PREX1: variants seen among roughly 807,000 people sequenced by gnomAD.
The protein encoded by PREX1 is phosphatidylinositol-3,4,5-trisphosphate dependent Rac exchange factor 1, also known as phosphatidylinositol 3,4,5-trisphosphate-dependent Rac exchanger 1 protein.
Under a neutral mutation model 198.3 loss-of-function variants are expected in PREX1, and 41 were observed. The observed-to-expected ratio is 0.21, with a 90% CI of 0.16 to 0.27. The LOEUF is 0.27. Ranked by LOEUF, PREX1 falls within the 10% of genes least tolerant of loss-of-function variation. PREX1 has a pLI of 1.00. For missense variants in PREX1, 1,620 were observed against 2,200.7 expected, an observed-to-expected ratio of 0.74 and a Z score of 5.28; for synonymous variants, 843 against 887.2, an observed-to-expected ratio of 0.95 and a Z score of 0.89.
intron 1 of PREX1, among the ~76,000 whole-genome samples, chr20:48,748,330 C>CA (rs1343947983): frequency 1.3e-5 from 2 of 152,028 alleles, no homozygotes; most frequent in African/African-American, 4.8e-5. Flanking sequence ...ATAAAAATGG[C>CA]AAAAACAGAG....
At chr20:48,703,204 G>A (rs1037021481) in intron 6 of PREX1, among the ~76,000 whole-genome samples, 2 of 152,212 alleles carry the variant, frequency 1.3e-5, no homozygotes, top group Non-Finnish European at 2.9e-5. Flanking sequence ...CTCTGTGTCC[G>A]TGGTCCAGTT....
chr20:48,650,616 C>G (rs1190368169), intron 23 of PREX1, among the ~76,000 whole-genome samples: 1 of 152,238 alleles, frequency 6.6e-6, no homozygotes, highest in Non-Finnish European at 1.5e-5. Context: ...CTTGCTGAGG[C>G]TAGAGCTATC....
At chr20:48,635,007 T>C (rs1255383329) in intron 32 of PREX1, among the ~76,000 whole-genome samples, 1 of 152,224 alleles carries the variant, frequency 6.6e-6, no homozygotes, top group East Asian at 1.9e-4. Flanking sequence ...TGAGTGATCC[T>C]AGTAAAGTCA....
At chr20:48,854,447 G>A in the PREX1 span, among the ~76,000 whole-genome samples, 1 of 152,108 alleles carries the variant, frequency 6.6e-6, no homozygotes, top group East Asian at 1.9e-4. Flanking sequence ...TATAATCCCT[G>A]CTACTTGGGA....
intron 1 of PREX1, among the ~76,000 whole-genome samples, chr20:48,809,618 T>C (rs71351943): frequency 6.6e-6 from 1 of 152,222 alleles, no homozygotes; most frequent in Non-Finnish European, 1.5e-5. Flanking sequence ...TTTATTATTG[T>C]TCTTGTTATT....
At chr20:48,799,098 G>C (rs2090375040) in intron 1 of PREX1, among the ~76,000 whole-genome samples, 1 of 152,134 alleles carries the variant, frequency 6.6e-6, no homozygotes, top group South Asian at 2.1e-4. Context: ...TGGCCAGACT[G>C]GTCTTGAACT....
chr20:48,758,072 T>G (rs1389795096), intron 1 of PREX1, among the ~76,000 whole-genome samples: 1 of 151,972 alleles, frequency 6.6e-6, no homozygotes, highest in Admixed American at 6.6e-5. Flanking sequence ...AAGTAGTTTC[T>G]TTGGGAGGTG....
At chr20:48,883,672 T>A in the PREX1 span, among the ~76,000 whole-genome samples, 2 of 152,066 alleles carry the variant, frequency 1.3e-5, no homozygotes, top group East Asian at 1.9e-4. Flanking sequence ...TACTTAGGAA[T>A]AAATTTACAG....
intron 15 of PREX1, among the ~76,000 whole-genome samples, chr20:48,661,476 CAT>C (rs1166347174): frequency 9.9e-5 from 9 of 91,104 alleles, no homozygotes; most frequent in Non-Finnish European, 1.4e-4. Flanking sequence ...TATACACACA[CAT>C]ATATATAATA....
chr20:48,645,750 CCT>C, intron 26 of PREX1, 99 bp downstream of exon 26: 2 of 1,331,438 alleles, frequency 1.5e-6, no homozygotes, highest in Non-Finnish European at 2.1e-6. Context: ...CCCACTGCAC[CCT>C]GAGAAGTGTC....
the PREX1 span, among the ~76,000 whole-genome samples, chr20:48,853,310 T>C: frequency 6.6e-6 from 1 of 152,138 alleles, no homozygotes; most frequent in East Asian, 1.9e-4. Context: ...GACTGGGTAA[T>C]TTATAAAGAA....
At chr20:48,713,032 G>A (rs1475593677) in intron 5 of PREX1, among the ~76,000 whole-genome samples, 1 of 152,214 alleles carries the variant, frequency 6.6e-6, no homozygotes, top group Non-Finnish European at 1.5e-5. Flanking sequence ...GCTGAGGGAG[G>A]AGAATCAGTT....
At position 48,642,218 on chromosome 20, in the gene PREX1, C is replaced by G. The variant is rs919609012; in HGVS notation, c.3725G>C (p.Ser1242Thr). Residue 1242 changes from serine to threonine, a missense_variant, in exon 29 of 40, where the codon AGC (serine) becomes ACC (threonine). By Grantham distance (58) the Ser-to-Thr change is moderately conservative. Transcript: ENST00000371941. ...ATGCTTGGTCTCTTCGAAAGCCCGGCTCATGACTGGCCCCTTGAGGAGAGC... is the reference window on the plus strand; with the variant it reads ...ATGCTTGGTCTCTTCGAAAGCCCGGGTCATGACTGGCCCCTTGAGGAGAGC... Reference protein sequence around the residue: ...INALLKGPVMSRAFEETKHFP... With the variant: ...INALLKGPVMTRAFEETKHFP... 1 of 1,614,248 alleles carries G rather than the reference C, an allele frequency of 6.2e-7. No homozygotes were observed. The highest frequency in any genetic ancestry group is 8.5e-7 in the Non-Finnish European group (1 of 1,180,038).
At chr20:48,797,212 G>T (rs1412742777) in intron 1 of PREX1, among the ~76,000 whole-genome samples, 2 of 151,980 alleles carry the variant, frequency 1.3e-5, no homozygotes, top group African/African-American at 4.8e-5. Flanking sequence ...TCCCTGAGAG[G>T]TGGCCAAGCT....
rs894346379 is a variant in PREX1 at position 48,624,904 on chromosome 20, G to C, written c.*981C>G. 6.6e-6 allele frequency: 1 copy of C among 152,294 alleles called. No individual in the cohort carries two copies. Among genetic ancestry groups the C allele is most frequent in the Non-Finnish European group, 1.5e-5 (1 of 68,062 alleles). 9.4% of individuals were successfully genotyped at this position (152,294 alleles called of 1,614,324 possible). A position where few individuals can be genotyped will look rare whatever the true frequency, so the allele number is the denominator to read the frequency against. On this transcript the variant is annotated 3_prime_UTR_variant, in exon 40 of 40. Coordinates refer to ENST00000371941, the MANE Select transcript of PREX1 (RefSeq NM_020820.4). ...GCCCTTGTAGCCAGTCACTCAAAGA[G>C]AGCGAGTTCTAACACCGGCCAACCG... is the stretch of plus-strand genomic sequence containing the variant.
intron 1 of PREX1, among the ~76,000 whole-genome samples, chr20:48,763,383 G>A (rs2122849433): frequency 6.6e-6 from 1 of 152,302 alleles, no homozygotes; most frequent in Middle Eastern, 3.4e-3. Flanking sequence ...CCGCCGGAAT[G>A]TCCTGGACAA....
intron 5 of PREX1, among the ~76,000 whole-genome samples, chr20:48,722,410 T>C (rs1316422484): frequency 1.3e-5 from 2 of 152,102 alleles, no homozygotes; most frequent in South Asian, 2.1e-4. Context: ...ATAGGTGAAC[T>C]GACAGAGGCA....
chr20:48,694,860 G>C (rs2089837327), intron 7 of PREX1, among the ~76,000 whole-genome samples: 1 of 152,202 alleles, frequency 6.6e-6, no homozygotes, highest in Non-Finnish European at 1.5e-5. Context: ...AGTTTCAAGA[G>C]ACTCCCTGTG....
At chr20:48,795,038 T>A (rs1213880601) in intron 1 of PREX1, among the ~76,000 whole-genome samples, 4 of 152,164 alleles carry the variant, frequency 2.6e-5, no homozygotes, top group African/African-American at 9.7e-5. Flanking sequence ...TGTAATTCTC[T>A]TGCGTCCTTA....
Sources: allele counts gnomAD v4.1 joint callset (sites outside exome capture counted in the v4.1 genomes callset), GRCh38; gene constraint gnomAD v4.1.1; transcripts MANE v1.5; gene names NCBI Gene and HGNC (gene_info 2026-07-23, HGNC 2026-07-21).